Variants in DYNC2H1 observed in about 807,000 individuals in gnomAD.
DYNC2H1 encodes the protein cytoplasmic dynein 2 heavy chain 1.
A neutral mutation model predicts 570.0 loss-of-function variants in DYNC2H1; 410 were observed. The observed-to-expected ratio is 0.72, with a 90% CI of 0.66 to 0.78. DYNC2H1 has a LOEUF of 0.78. Among genes scored for constraint, DYNC2H1 ranks in the 30% least tolerant of loss-of-function variants. DYNC2H1 has a pLI of 0.00. For missense variants in DYNC2H1, 4,865 were observed against 5,046.4 expected (o/e 0.96, Z 1.09); for synonymous variants, 1,688 against 1,677.6 (o/e 1.01, Z -0.15).
At chr11:103,476,635 A>T (rs758951688) in intron 88 of DYNC2H1, among the ~76,000 whole-genome samples, 28 of 152,132 alleles carry the variant, frequency 1.8e-4, no homozygotes, top group Non-Finnish European at 3.7e-4. Context: ...GTTATATGTA[A>T]ATCAGGTTAA....
rs1433118504 is a variant in DYNC2H1 at position 103,235,701 on chromosome 11, T to G, written c.9597T>G (p.Thr3199=). 1.9e-6 allele frequency: 3 copies of G among 1,610,494 alleles called. No individual in the cohort carries two copies. Among genetic ancestry groups the G allele is most frequent in the South Asian group, 1.1e-5 (1 of 90,736 alleles). ...QVVEITEELA[T]LPKRAQLAAA... ...TAGAGATAACAGAGGAATTAGCTAC[T>G]CTTCCTAAAAGAGCTCAACTTGCTG... Residue 3199 remains threonine (T), a synonymous_variant, in exon 62 of 89, where the codon ACT becomes ACG. Transcript: ENST00000375735.
chr11:103,251,629 T>A (rs770417444), intron 65 of DYNC2H1, among the ~76,000 whole-genome samples: 4 of 152,172 alleles, frequency 2.6e-5, no homozygotes, highest in Non-Finnish European at 5.9e-5. Flanking sequence ...ACATTGGATT[T>A]CTAGACTTAA....
At chr11:103,139,226 A>T (rs1192532646) in intron 17 of DYNC2H1, among the ~76,000 whole-genome samples, 6 of 151,672 alleles carry the variant, frequency 4.0e-5, no homozygotes, top group East Asian at 1.9e-4. Flanking sequence ...AGTTCTGCTC[A>T]GATTTTAGTT....
intron 85 of DYNC2H1, among the ~76,000 whole-genome samples, chr11:103,451,470 C>T (rs1056859834): frequency 2.6e-5 from 4 of 151,454 alleles, no homozygotes; most frequent in Non-Finnish European, 4.4e-5. Flanking sequence ...GTAGCTGGGG[C>T]TACAGGCGCG....
At position 103,215,790 on chromosome 11, in the gene DYNC2H1, A is replaced by G. The variant is rs1863355418; in HGVS notation, c.8764A>G (p.Ser2922Gly). 6.2e-7 allele frequency: 1 copy of G among 1,612,410 alleles called. No homozygotes were observed. ...DELNRKAGEQSVLLKTKQDEA... is the reference protein window; with the variant it reads ...DELNRKAGEQGVLLKTKQDEA... ...ACTGAACAGAAAAGCTGGAGAACAA[A>G]GTGTGTTACTTAAAACGAAGCAAGA... Residue 2922 changes from serine to glycine, a missense_variant, in exon 55 of 89, where the codon AGT becomes GGT. By Grantham distance (56) the Ser-to-Gly change is moderately conservative. This residue lies in a region of DYNC2H1 where 2,401 missense variants were observed against 2,454.6 expected (regional missense o/e 0.98). Coordinates refer to ENST00000375735, the MANE Select transcript of DYNC2H1 (RefSeq NM_001377.3).
intron 63 of DYNC2H1, among the ~76,000 whole-genome samples, chr11:103,237,674 C>A (rs1393424321): frequency 6.6e-6 from 1 of 151,152 alleles, no homozygotes; most frequent in African/African-American, 2.4e-5. Context: ...TATTCCCTCC[C>A]TAAGGTTTCA....
At chr11:103,453,411 G>T (rs1944676059) in intron 85 of DYNC2H1, among the ~76,000 whole-genome samples, 1 of 151,854 alleles carries the variant, frequency 6.6e-6, no homozygotes, top group South Asian at 2.1e-4. Context: ...GCTGTTCAAA[G>T]ATATTATGCA....
chr11:103,417,703 G>A (rs12226066), intron 84 of DYNC2H1, among the ~76,000 whole-genome samples: 42,156 of 151,372 alleles, frequency 0.28, 5,984 homozygotes, highest in South Asian at 0.35. Context: ...TGGTGAAACC[G>A]TGTCTCTACT....
At chr11:103,417,747 G>C (rs137932699) in intron 84 of DYNC2H1, among the ~76,000 whole-genome samples, 1 of 151,910 alleles carries the variant, frequency 6.6e-6, no homozygotes, top group South Asian at 2.1e-4. Flanking sequence ...ATGATGGCAC[G>C]TGCCTGTAAT....
At chr11:103,150,959 T>C (rs777305095) in intron 20 of DYNC2H1, among the ~76,000 whole-genome samples, 2 of 152,170 alleles carry the variant, frequency 1.3e-5, no homozygotes, top group Non-Finnish European at 2.9e-5. Context: ...CCTTAGAATC[T>C]CATATTCTGT....
At chr11:103,139,160 A>C (rs1486485291) in intron 17 of DYNC2H1, among the ~76,000 whole-genome samples, 1 of 151,892 alleles carries the variant, frequency 6.6e-6, no homozygotes, top group Non-Finnish European at 1.5e-5. Flanking sequence ...CTTTCAAAAA[A>C]CCAGTTCCTG....
chr11:103,390,586 C>T (rs1179905068), intron 83 of DYNC2H1, among the ~76,000 whole-genome samples: 1 of 152,194 alleles, frequency 6.6e-6, no homozygotes, highest in East Asian at 1.9e-4. Context: ...CAGCTTCTTC[C>T]TAGCCTTGAT....
intron 59 of DYNC2H1, among the ~76,000 whole-genome samples, chr11:103,224,418 C>CT (rs10657625): frequency 6.6e-6 from 1 of 152,060 alleles, no homozygotes; most frequent in Admixed American, 6.6e-5. Context: ...TGCCCTTTCC[C>CT]GAGTCTCCAA....
chr11:103,311,229 AG>A (rs1366054275), intron 78 of DYNC2H1, among the ~76,000 whole-genome samples: 1 of 152,112 alleles, frequency 6.6e-6, no homozygotes, highest in Non-Finnish European at 1.5e-5. Context: ...ATTCTTTTCG[AG>A]GGGGTTGTTT....
chr11:103,204,900 C>A lies in DYNC2H1; in HGVS notation c.8390C>A (p.Pro2797Gln). 1 of 1,593,520 alleles carries A rather than the reference C, an allele frequency of 6.3e-7. No homozygotes were observed. Among genetic ancestry groups the A allele is most frequent in the Admixed American group, 1.7e-5 (1 of 57,536 alleles). Residue 2797 changes from proline (P) to glutamine (Q), a missense_variant, in exon 52 of 89, where the codon CCA becomes CAA. Physicochemically the swap from Pro to Gln is moderately conservative, Grantham distance 76 (BLOSUM62 -1). This residue lies in a region of DYNC2H1 where 2,401 missense variants were observed against 2,454.6 expected (regional missense o/e 0.98). Coordinates refer to ENST00000375735, the MANE Select transcript of DYNC2H1 (RefSeq NM_001377.3). The surrounding 1 kb of genome is among the most constrained non-coding windows in gnomAD (Gnocchi z 4.1). ...TTCATGATAAACTGTGAGAGTAATCCAGCTTTGCATAAGAAATGCCAGGTG... is the reference window on the plus strand; with the variant it reads ...TTCATGATAAACTGTGAGAGTAATCAAGCTTTGCATAAGAAATGCCAGGTG... ...SNFMINCESN[P>Q]ALHKKCQVLW...
At chr11:103,411,731 A>G (rs1037318710) in intron 84 of DYNC2H1, among the ~76,000 whole-genome samples, 3 of 152,124 alleles carry the variant, frequency 2.0e-5, no homozygotes, top group Non-Finnish European at 4.4e-5. Context: ...AAGATCTACT[A>G]AGTATTTCAT....
intron 30 of DYNC2H1, among the ~76,000 whole-genome samples, chr11:103,164,663 T>C: frequency 6.6e-6 from 1 of 152,224 alleles, no homozygotes; most frequent in Admixed American, 6.5e-5. Context: ...ACCTACGTTA[T>C]CAAGTCATTT....
intron 85 of DYNC2H1, among the ~76,000 whole-genome samples, chr11:103,444,586 A>G (rs1387922836): frequency 6.6e-6 from 1 of 152,208 alleles, no homozygotes; most frequent in Non-Finnish European, 1.5e-5. Flanking sequence ...TATTTCTAAT[A>G]CATATAAGGA....
chr11:103,129,448 G>C lies in DYNC2H1; in HGVS notation c.1953+443G>C, dbSNP rs578149446. On this transcript the variant is annotated intron_variant, in intron 13 of 88. Coordinates refer to ENST00000375735, the MANE Select transcript of DYNC2H1 (RefSeq NM_001377.3). The surrounding 1 kb of genome is among the most constrained non-coding windows in gnomAD (Gnocchi z 4.1). ...CTGTCATCCCAGCACTTTCGAGGCC[G>C]AGGCGGGTGGATCACCTGACATCAG... Among the ~76,000 whole-genome samples, 1 of 152,160 alleles carries C rather than the reference G, an allele frequency of 6.6e-6. No homozygotes were observed.
Sources: gnomAD v4.1 joint callset for allele counts (sites outside exome capture counted in the v4.1 genomes callset) on GRCh38, gnomAD v4.1.1 for gene constraint, gnomAD v4.1.1 regional missense constraint, Gnocchi (gnomAD v3.1) non-coding constraint, MANE v1.5 for transcripts, NCBI Gene and HGNC (gene_info 2026-07-23, HGNC 2026-07-21) for gene names.